The following EPHA6 variants were observed in gnomAD, a reference collection of about 807,000 sequenced individuals.
EPHA6 encodes the protein ephrin type-A receptor 6.
EPHA6 carries 50 observed loss-of-function variants against 112.0 expected under a neutral mutation model. The observed-to-expected ratio is 0.45, with a 90% CI of 0.36 to 0.56. The LOEUF (loss-of-function observed/expected upper bound fraction) is 0.56, where lower values mean the gene tolerates loss of function less well. EPHA6 is among the 20% of genes least tolerant of loss of function. EPHA6 has a pLI of 0.00. For missense variants in EPHA6, 1,280 were observed against 1,417.4 expected, an observed-to-expected ratio of 0.90 and a Z score of 1.56; for synonymous variants, 529 against 490.7, an observed-to-expected ratio of 1.08 and a Z score of -1.03.
At chr3:97,130,054 G>T (rs188753501) in intron 3 of EPHA6, among the ~76,000 whole-genome samples, 1 of 151,998 alleles carries the variant, frequency 6.6e-6, no homozygotes, top group Non-Finnish European at 1.5e-5. Flanking sequence ...GAACTTCAAG[G>T]TCTCTCATAT....
At chr3:97,592,499 ACTT>A in intron 11 of EPHA6, 110 bp from the exon 12 acceptor site, 1 of 1,267,926 alleles carries the variant, frequency 7.9e-7, no homozygotes, top group East Asian at 2.4e-5. Context: ...TAATTTTATA[ACTT>A]CTTCGTAAAA....
At chr3:97,658,412 A>G (rs921901056) in intron 14 of EPHA6, among the ~76,000 whole-genome samples, 20 of 152,008 alleles carry the variant, frequency 1.3e-4, no homozygotes, top group African/African-American at 4.8e-4. Context: ...ACTTTAAACT[A>G]TGATATAACT....
At chr3:97,672,273 C>T (rs1159919423) in intron 14 of EPHA6, among the ~76,000 whole-genome samples, 1 of 152,180 alleles carries the variant, frequency 6.6e-6, no homozygotes, top group East Asian at 1.9e-4. Context: ...CTAAAGAATG[C>T]TGCTTTCTGC....
At chr3:96,999,681 C>T (rs1381176484) in intron 3 of EPHA6, among the ~76,000 whole-genome samples, 1 of 151,904 alleles carries the variant, frequency 6.6e-6, no homozygotes, top group Non-Finnish European at 1.5e-5. Flanking sequence ...TCTGTCACTT[C>T]ACCAACAAAA....
At chr3:97,190,378 A>C (rs539272375) in intron 3 of EPHA6, among the ~76,000 whole-genome samples, 3 of 152,058 alleles carry the variant, frequency 2.0e-5, no homozygotes, top group Admixed American at 6.6e-5. Context: ...GACCTATGAG[A>C]AGCTGGTGTA....
intron 5 of EPHA6, among the ~76,000 whole-genome samples, chr3:97,303,076 A>T (rs533106879): frequency 6.6e-6 from 1 of 152,086 alleles, no homozygotes; most frequent in African/African-American, 2.4e-5. Flanking sequence ...CCTGCAAAAC[A>T]CTAAAGAAAA....
chr3:97,203,432 G>C (rs1361116410), intron 3 of EPHA6, among the ~76,000 whole-genome samples: 1 of 152,066 alleles, frequency 6.6e-6, no homozygotes, highest in Admixed American at 6.6e-5. Context: ...AATAAGGATT[G>C]TTTGTAAGGG....
intron 5 of EPHA6, among the ~76,000 whole-genome samples, chr3:97,302,323 A>G (rs1193880722): frequency 6.6e-6 from 1 of 151,970 alleles, no homozygotes; most frequent in Non-Finnish European, 1.5e-5. Flanking sequence ...GAAAGTAGGA[A>G]AATGAACTGC....
In EPHA6 at chr3:97,243,946, C is replaced by T. The variant is rs766259314; in HGVS notation, c.1271-6C>T. On this transcript the variant is annotated splice_region_variant and splice_polypyrimidine_tract_variant and intron_variant, in intron 4 of 17. Transcript: ENST00000389672. ...GTACATTTGTTTTTTAATTGCTTTT[C>T]TCTAGGGCCACCTTCAGCTCCTAGG... is the stretch of plus-strand genomic sequence containing the variant. The T allele has an allele frequency of 6.3e-7, 1 of 1,592,694 alleles. No individual in the cohort carries two copies.
At chr3:97,348,751 T>C (rs913497790) in intron 5 of EPHA6, among the ~76,000 whole-genome samples, 10 of 151,986 alleles carry the variant, frequency 6.6e-5, no homozygotes, top group Non-Finnish European at 1.2e-4. Flanking sequence ...ACTAAGTGTA[T>C]CACAAGGTAG....
In EPHA6 at chr3:96,866,757, T is replaced by C. The variant is rs1249840126; in HGVS notation, c.386-68T>C. On this transcript the variant is annotated intron_variant, in intron 1 of 17. Transcript: ENST00000389672. ...ACATTAATGATTTTTATTATAACTT[T>C]AATAATTTAATATATTTTTGCATTA... is the stretch of plus-strand genomic sequence containing the variant. The C allele has an allele frequency of 2.5e-5, 21 of 825,318 alleles. No individual in the cohort carries two copies. In the Middle Eastern group the frequency reaches 1.4e-3, roughly 56 times the overall value. The allele number at this position is 825,318 out of a possible 1,614,324, so 51.1% of individuals were successfully genotyped here. A position where few individuals can be genotyped will look rare whatever the true frequency, so the allele number is the denominator to read the frequency against.
At chr3:97,269,490 G>C (rs1376563896) in intron 5 of EPHA6, among the ~76,000 whole-genome samples, 2 of 152,138 alleles carry the variant, frequency 1.3e-5, no homozygotes, top group African/African-American at 4.8e-5. Flanking sequence ...ACCCTGAACA[G>C]CTTCATTTCG....
At chr3:97,441,436 A>T (rs2090134609) in intron 6 of EPHA6, 1 of 980,088 alleles carries the variant, frequency 1.0e-6, no homozygotes, top group Non-Finnish European at 1.2e-6. Context: ...CTACAATGGA[A>T]GAAGAAAACG....
At position 97,657,404 on chromosome 3, in the gene EPHA6, C is replaced by T. The variant is rs2094143615; in HGVS notation, c.2784+19322C>T. 2.0e-5 allele frequency among the ~76,000 whole-genome samples: 3 copies of T among 151,940 alleles called. No homozygotes were observed. In the South Asian group the frequency reaches 6.2e-4, roughly 31 times the overall value. ...ATTATACCTTCATCTCCACCCTACC[C>T]TCTATAGGTTCCATAATCAAGGCAT... On this transcript the variant is annotated intron_variant, in intron 14 of 17. Transcript: ENST00000389672.
At position 97,755,774 on chromosome 3, in the gene EPHA6, T is replaced by G. The variant is rs1205428121; in HGVS notation, c.*7073T>G. On this transcript the variant is annotated 3_prime_UTR_variant, in exon 18 of 18. Transcript: ENST00000389672. ...ATTGATGTGAACATTTCTCTACAAGTTTTTCCACATTTGTAGCTCATCCTT... is the reference window on the plus strand; with the variant it reads ...ATTGATGTGAACATTTCTCTACAAGGTTTTCCACATTTGTAGCTCATCCTT... Among the ~76,000 whole-genome samples the G allele has an allele frequency of 1.3e-5, 2 of 152,078 alleles. No homozygotes were observed. The highest frequency in any genetic ancestry group is 1.3e-4 in the Admixed American group (2 of 15,272).
In EPHA6 at chr3:97,472,919, C is replaced by T. The variant is rs191879392; in HGVS notation, c.1895-2433C>T. ...GATCGGCAAAAAGAAGTTGGATTGC[C>T]GGCTTTCCCTTGACAAGATATGTAA... On this transcript the variant is annotated intron_variant, in intron 7 of 17. Transcript: ENST00000389672. Among the ~76,000 whole-genome samples, 35 of 151,138 alleles carry T rather than the reference C, an allele frequency of 2.3e-4. No homozygotes were observed. In the East Asian group the frequency reaches 3.5e-3, roughly 15 times the overall value.
intron 5 of EPHA6, among the ~76,000 whole-genome samples, chr3:97,385,142 T>C (rs1011915045): frequency 6.6e-6 from 1 of 152,200 alleles, no homozygotes; most frequent in African/African-American, 2.4e-5. Flanking sequence ...ACAAAATCTA[T>C]AATTTATTCT....
intron 5 of EPHA6, among the ~76,000 whole-genome samples, chr3:97,317,612 T>G (rs1372419950): frequency 6.6e-6 from 1 of 152,038 alleles, no homozygotes; most frequent in African/African-American, 2.4e-5. Context: ...ATTTTTATAA[T>G]CATCATTATG....
chr3:97,493,214 G>A (rs1036963598), intron 10 of EPHA6, among the ~76,000 whole-genome samples: 2 of 152,074 alleles, frequency 1.3e-5, no homozygotes, highest in Non-Finnish European at 2.9e-5. Context: ...ATGTGTGTGT[G>A]TGTGTATACA....
Sources: gnomAD v4.1 joint callset for allele counts (sites outside exome capture counted in the v4.1 genomes callset) on GRCh38, gnomAD v4.1.1 for gene constraint, MANE v1.5 for transcripts, NCBI Gene and HGNC (gene_info 2026-07-23, HGNC 2026-07-21) for gene names.